The following MINPP1 variants were observed in gnomAD, a reference collection of about 807,000 sequenced individuals.
MINPP1 encodes multiple inositol-polyphosphate phosphatase 1, also known as multiple inositol polyphosphate phosphatase 1.
MINPP1 carries 28 observed loss-of-function variants against 46.1 expected under a neutral mutation model. The observed-to-expected ratio is 0.61, with a 90% CI of 0.45 to 0.83. The LOEUF is 0.83. Among genes scored for constraint, MINPP1 ranks in the 40% least tolerant of loss-of-function variants. The pLI is 0.00. For synonymous variants in MINPP1, 268 were observed against 249.1 expected (o/e 1.08, Z -0.72); for missense variants, 603 against 610.0 (o/e 0.99, Z 0.12).
chr10:87,508,428 A>G lies in MINPP1; in HGVS notation c.730A>G (p.Thr244Ala). 1 of 1,613,770 alleles carries G rather than the reference A, an allele frequency of 6.2e-7. No individual in the cohort carries two copies. The highest frequency in any genetic ancestry group is 8.5e-7 in the Non-Finnish European group (1 of 1,179,804). Residue 244 changes from threonine (T) to alanine (A), a missense_variant, in exon 2 of 5, where the codon ACA becomes GCA. By Grantham distance (58) the Thr-to-Ala change is moderately conservative. Coordinates refer to ENST00000371996, the MANE Select transcript of MINPP1 (RefSeq NM_004897.5). ...KFLTEVEKNA[T>A]ALYHVEAFKT... ...TTTAACTGAAGTAGAAAAAAATGCTACAGCTCTTTATCACGTGGAAGCCTT... is the reference window on the plus strand; with the variant it reads ...TTTAACTGAAGTAGAAAAAAATGCTGCAGCTCTTTATCACGTGGAAGCCTT...
chr10:87,530,300 A>T (rs1327141693), intron 4 of MINPP1, among the ~76,000 whole-genome samples: 1 of 152,092 alleles, frequency 6.6e-6, no homozygotes, highest in African/African-American at 2.4e-5. Context: ...TGATTTTTAG[A>T]ATCTTCAGCT....
At chr10:87,546,367 G>A (rs1304141720) in intron 4 of MINPP1, among the ~76,000 whole-genome samples, 1 of 152,154 alleles carries the variant, frequency 6.6e-6, no homozygotes, top group Non-Finnish European at 1.5e-5. Context: ...GAGCAGTGAG[G>A]ATCATTGAGG....
At chr10:87,506,861 A>G (rs2131796901) in intron 1 of MINPP1, among the ~76,000 whole-genome samples, 1 of 152,306 alleles carries the variant, frequency 6.6e-6, no homozygotes, top group Non-Finnish European at 1.5e-5. Context: ...GTGTCATGTT[A>G]TTGTGGGTAA....
rs779290313 is a variant in MINPP1, at chr10:87,505,212, C to T, written c.297C>T (p.Ile99=). The T allele has an allele frequency of 1.2e-6, 2 of 1,611,420 alleles. No individual in the cohort carries two copies. The highest frequency in any genetic ancestry group is 2.2e-5 in the East Asian group (1 of 44,814). The change falls in exon 1 of 5, where the codon ATC becomes ATT. Residue 99 remains isoleucine (I), a synonymous_variant. Transcript: ENST00000371996. The surrounding 1 kb of genome is among the most constrained non-coding windows in gnomAD (Gnocchi z 4.4). The part of the protein sequence containing the change: ...HGTRYPTVKQ[I]RKLRQLHGLL... Reference sequence around the variant, plus strand: ...CCCGCTACCCCACGGTCAAACAGATCCGCAAGCTGAGGCAGCTGCACGGGT... The same window carrying T: ...CCCGCTACCCCACGGTCAAACAGATTCGCAAGCTGAGGCAGCTGCACGGGT...
chr10:87,535,005 G>A (rs987156247), intron 4 of MINPP1, among the ~76,000 whole-genome samples: 1 of 152,186 alleles, frequency 6.6e-6, no homozygotes, highest in African/African-American at 2.4e-5. Flanking sequence ...AGTTATACCC[G>A]CTACATCCAA....
chr10:87,526,810 C>T (rs181197488), intron 4 of MINPP1, among the ~76,000 whole-genome samples: 7,259 of 152,272 alleles, frequency 0.048, 198 homozygotes, highest in Middle Eastern at 0.085. Context: ...GGAATCCTTT[C>T]CCCATTTCCT....
intron 4 of MINPP1, among the ~76,000 whole-genome samples, chr10:87,547,905 A>T (rs561056036): frequency 8.9e-4 from 135 of 152,328 alleles, no homozygotes; most frequent in African/African-American, 3.0e-3. Flanking sequence ...CAAATATGTG[A>T]GTATTTTTCT....
chr10:87,513,249 C>CT, intron 3 of MINPP1, 28 bp downstream of exon 3: 1 of 1,583,596 alleles, frequency 6.3e-7, no homozygotes, highest in Non-Finnish European at 8.7e-7. Context: ...AGTTTCTTTG[C>CT]TTTTTTAAAA....
intron 3 of MINPP1, among the ~76,000 whole-genome samples, chr10:87,514,820 A>G (rs1389087225): frequency 1.3e-5 from 2 of 151,790 alleles, no homozygotes; most frequent in Non-Finnish European, 2.9e-5. Context: ...GATTCAAGTG[A>G]TTTTCCTGCC....
chr10:87,537,406 T>A (rs1304339129), intron 4 of MINPP1, among the ~76,000 whole-genome samples: 1 of 152,144 alleles, frequency 6.6e-6, no homozygotes, highest in Non-Finnish European at 1.5e-5. Flanking sequence ...TTCATAATGA[T>A]TAGTGATACT....
intron 4 of MINPP1, among the ~76,000 whole-genome samples, chr10:87,545,504 A>G (rs1438252729): frequency 3.9e-5 from 6 of 152,228 alleles, no homozygotes; most frequent in Non-Finnish European, 8.8e-5. Context: ...AATATGCAGC[A>G]TCATAAAATT....
At chr10:87,506,415 C>T (rs1382479969) in intron 1 of MINPP1, among the ~76,000 whole-genome samples, 1 of 152,060 alleles carries the variant, frequency 6.6e-6, no homozygotes, top group African/African-American at 2.4e-5. Flanking sequence ...ACACCTCATG[C>T]CTATTGTATG....
intron 4 of MINPP1, among the ~76,000 whole-genome samples, chr10:87,521,825 G>T (rs1851506265): frequency 6.6e-6 from 1 of 152,164 alleles, no homozygotes; most frequent in African/African-American, 2.4e-5. Context: ...AAAAGCTTTT[G>T]TTAACATTTA....
Position 87,552,519 on chromosome 10 carries a change from G to T in MINPP1, c.*41G>T, listed in dbSNP as rs768070366. The T allele has an allele frequency of 3.1e-6, 5 of 1,587,950 alleles. No individual in the cohort carries two copies. The highest frequency in any genetic ancestry group is 2.6e-6 in the Non-Finnish European group (3 of 1,162,476). On this transcript the variant is annotated 3_prime_UTR_variant, in exon 5 of 5. Transcript: ENST00000371996. ...TTTTAATTCTTTAGGAATCTGCAAT[G>T]AGTGATTACATGCTTGTAATAGGTA...
chr10:87,505,000 C>G lies in MINPP1; in HGVS notation c.85C>G (p.Arg29Gly). 6.2e-7 allele frequency: 1 copy of G among 1,612,800 alleles called. No homozygotes were observed. The highest frequency in any genetic ancestry group is 8.5e-7 in the Non-Finnish European group (1 of 1,179,816). Residue 29 changes from arginine to glycine, a missense_variant, in exon 1 of 5, where the codon CGC becomes GGC. By Grantham distance (125) the Arg-to-Gly change is moderately radical. Transcript: ENST00000371996. ...LAAALLSSLARCSLLEPRDPV... is the reference protein window; with the variant it reads ...LAAALLSSLAGCSLLEPRDPV... ...TGCGGCGCTGCTCTCGTCGCTTGCG[C>G]GCTGCTCTCTTCTAGAGCCGAGGGA...
chr10:87,506,874 C>G (rs956363028), intron 1 of MINPP1, among the ~76,000 whole-genome samples: 1 of 152,148 alleles, frequency 6.6e-6, no homozygotes, highest in South Asian at 2.1e-4. Flanking sequence ...GTGGGTAATT[C>G]AGTTAGCTGA....
intron 4 of MINPP1, among the ~76,000 whole-genome samples, chr10:87,521,483 T>G (rs1361983423): frequency 6.6e-6 from 1 of 152,202 alleles, no homozygotes; most frequent in Non-Finnish European, 1.5e-5. Context: ...TTTGTATTGG[T>G]CATTCCTTCG....
At position 87,552,160 on chromosome 10, in the gene MINPP1, C is replaced by T. The variant is rs758909331; in HGVS notation, c.1146C>T (p.Gly382=). The T allele has an allele frequency of 8.1e-6, 13 of 1,613,558 alleles. No individual in the cohort carries two copies. The highest frequency in any genetic ancestry group is 5.0e-5 in the Admixed American group (3 of 59,926). ...ETLLPLLSLM[G]YFKDKEPLTA... ...TTCTTCCACTGCTTTCTCTCATGGG[C>T]TACTTCAAAGACAAGGAACCCCTAA... The change falls in exon 5 of 5, where the codon GGC becomes GGT. Residue 382 remains glycine (G), a synonymous_variant. Transcript: ENST00000371996.
Position 87,507,851 on chromosome 10 carries a change from A to G in MINPP1, c.638-485A>G, listed in dbSNP as rs183497042. 2,714 of 1,060,470 alleles carry G rather than the reference A, an allele frequency of 2.6e-3. 8 individuals carry two copies. Among genetic ancestry groups the G allele is most frequent in the Middle Eastern group, 0.015 (34 of 2,230 alleles). The allele number at this position is 1,060,470 out of a possible 1,614,324, so 65.7% of individuals were successfully genotyped here. On this transcript the variant is annotated intron_variant, in intron 1 of 4. Transcript: ENST00000371996. ...CATCAGTGCGTTTTGTGCTGCTGTCAGTAGTTTTTGTCCAAAGCAGAATCT... is the reference window on the plus strand; with the variant it reads ...CATCAGTGCGTTTTGTGCTGCTGTCGGTAGTTTTTGTCCAAAGCAGAATCT...
Sources: gnomAD v4.1 joint callset for allele counts (sites outside exome capture counted in the v4.1 genomes callset) on GRCh38, gnomAD v4.1.1 for gene constraint, Gnocchi (gnomAD v3.1) non-coding constraint, MANE v1.5 for transcripts, NCBI Gene and HGNC (gene_info 2026-07-23, HGNC 2026-07-21) for gene names.